Variants in NXPH2 observed in about 807,000 individuals in gnomAD.
The protein encoded by NXPH2 is neurexophilin-2.
Under a neutral mutation model 19.8 loss-of-function variants are expected in NXPH2, and 5 were observed. That is an observed-to-expected ratio of 0.25 (90% CI 0.13 to 0.53). The LOEUF is 0.53. NXPH2 is among the 20% of genes least tolerant of loss of function. The pLI is 0.96. For missense variants in NXPH2, 289 were observed against 322.8 expected (o/e 0.90, Z 0.80); for synonymous variants, 154 against 127.4 (o/e 1.21, Z -1.41).
intron 1 of NXPH2, among the ~76,000 whole-genome samples, chr2:138,742,146 C>A (rs1681653807): frequency 6.6e-6 from 1 of 152,108 alleles, no homozygotes; most frequent in African/African-American, 2.4e-5. Flanking sequence ...GGCTCAGATA[C>A]AGATTGTTTT....
At chr2:138,769,416 TC>T (rs1193548744) in intron 1 of NXPH2, among the ~76,000 whole-genome samples, 1 of 151,718 alleles carries the variant, frequency 6.6e-6, no homozygotes, top group Non-Finnish European at 1.5e-5. Flanking sequence ...CCTCCAAAAA[TC>T]CCAGTGAAAA....
chr2:138,730,794 A>C (rs1009071704), intron 1 of NXPH2, among the ~76,000 whole-genome samples: 1 of 152,180 alleles, frequency 6.6e-6, no homozygotes, highest in African/African-American at 2.4e-5. Context: ...TTTCTCTTGC[A>C]TTCTGTCCCA....
intron 1 of NXPH2, among the ~76,000 whole-genome samples, chr2:138,737,859 G>A (rs17657544): frequency 0.021 from 3,188 of 152,082 alleles, 50 homozygotes; most frequent in Non-Finnish European, 0.033. Flanking sequence ...TAAATACCTC[G>A]GTGATCAACA....
At chr2:138,685,314 C>A (rs1680631047) in intron 1 of NXPH2, among the ~76,000 whole-genome samples, 1 of 152,152 alleles carries the variant, frequency 6.6e-6, no homozygotes, top group African/African-American at 2.4e-5. Context: ...CTTGAGATAT[C>A]TACCTCTCTA....
chr2:138,761,524 A>T (rs1682017739), intron 1 of NXPH2, among the ~76,000 whole-genome samples: 1 of 152,226 alleles, frequency 6.6e-6, no homozygotes, highest in South Asian at 2.1e-4. Context: ...GGTTTCAAGA[A>T]AGAAGCTGAA....
At chr2:138,775,054 T>G (rs1682240090) in intron 1 of NXPH2, among the ~76,000 whole-genome samples, 1 of 152,204 alleles carries the variant, frequency 6.6e-6, no homozygotes, top group Non-Finnish European at 1.5e-5. Flanking sequence ...AAAAATTAAC[T>G]AGAATGGCAA....
intron 1 of NXPH2, among the ~76,000 whole-genome samples, chr2:138,767,039 T>C (rs1218639458): frequency 1.3e-5 from 2 of 152,212 alleles, no homozygotes; most frequent in Non-Finnish European, 2.9e-5. Flanking sequence ...CTGGCATGCT[T>C]GCCCACTTTT....
At chr2:138,679,654 C>A (rs1286284114) in intron 1 of NXPH2, among the ~76,000 whole-genome samples, 4 of 152,260 alleles carry the variant, frequency 2.6e-5, no homozygotes, top group East Asian at 3.9e-4. Context: ...CCCGCCTCTG[C>A]CTCCCAAAGT....
intron 1 of NXPH2, among the ~76,000 whole-genome samples, chr2:138,705,404 G>T (rs1457830356): frequency 6.6e-6 from 1 of 151,986 alleles, no homozygotes; most frequent in Non-Finnish European, 1.5e-5. Context: ...TTTTAAAAAA[G>T]AAAGCTTTTT....
chr2:138,703,969 G>T (rs541477828), intron 1 of NXPH2, among the ~76,000 whole-genome samples: 154 of 152,290 alleles, frequency 1.0e-3, no homozygotes, highest in Admixed American at 2.0e-3. Context: ...CACCAGCCTG[G>T]ACATGACTTT....
chr2:138,773,531 A>C (rs918601926), intron 1 of NXPH2, among the ~76,000 whole-genome samples: 1 of 152,178 alleles, frequency 6.6e-6, no homozygotes, highest in African/African-American at 2.4e-5. Context: ...TGAGGAATGG[A>C]ATTTGGGAAT....
chr2:138,768,432 A>G (rs1558933091), intron 1 of NXPH2, among the ~76,000 whole-genome samples: 2 of 152,308 alleles, frequency 1.3e-5, no homozygotes, highest in Non-Finnish European at 1.5e-5. Context: ...GATATGCAGA[A>G]CTCTTCATCA....
At chr2:138,750,076 T>C (rs1681804075) in intron 1 of NXPH2, among the ~76,000 whole-genome samples, 1 of 152,272 alleles carries the variant, frequency 6.6e-6, no homozygotes, top group East Asian at 1.9e-4. Flanking sequence ...TAACAGAAAA[T>C]ACACAAGGGA....
rs1178150929 is a variant in NXPH2 at position 138,671,185 on chromosome 2, C to T, written c.532G>A (p.Glu178Lys). 6.2e-7 allele frequency: 1 copy of T among 1,613,846 alleles called. No homozygotes were observed. The highest frequency in any genetic ancestry group is 2.2e-5 in the East Asian group (1 of 44,872). The change falls in exon 2 of 2, where the codon GAG becomes AAG. Residue 178 changes from glutamate to lysine, a missense_variant. Glu to Lys is a moderately conservative substitution (Grantham distance 56, BLOSUM62 1). Coordinates refer to ENST00000272641, the MANE Select transcript of NXPH2 (RefSeq NM_007226.3). ...EFEVSPQSTL[E>K]TKESKSFNCR... is the part of the protein sequence containing the mutation. ...TTGAAAGATTTGGATTCCTTGGTCT[C>T]CAAGGTAGACTGGGGGGAAACTTCA...
At chr2:138,730,690 G>A (rs1681434554) in intron 1 of NXPH2, among the ~76,000 whole-genome samples, 1 of 152,156 alleles carries the variant, frequency 6.6e-6, no homozygotes, top group African/African-American at 2.4e-5. Flanking sequence ...AATAACTCTA[G>A]ATGATTTCAG....
intron 1 of NXPH2, among the ~76,000 whole-genome samples, chr2:138,727,748 G>A (rs1681381367): frequency 6.6e-6 from 1 of 151,916 alleles, no homozygotes; most frequent in Admixed American, 6.6e-5. Context: ...TGTTTTACAA[G>A]CATTTTTAAT....
At chr2:138,715,874 C>G (rs888592529) in intron 1 of NXPH2, among the ~76,000 whole-genome samples, 1 of 152,094 alleles carries the variant, frequency 6.6e-6, no homozygotes, top group Admixed American at 6.5e-5. Context: ...AATTTTATAC[C>G]AAGGGCAGGA....
chr2:138,692,380 A>G (rs1029089888), intron 1 of NXPH2, among the ~76,000 whole-genome samples: 2 of 152,200 alleles, frequency 1.3e-5, no homozygotes, highest in Admixed American at 6.5e-5. Context: ...GTCAATTTTT[A>G]TATTTCAACA....
chr2:138,709,225 C>T (rs1360590493), intron 1 of NXPH2, among the ~76,000 whole-genome samples: 1 of 152,146 alleles, frequency 6.6e-6, no homozygotes, highest in Non-Finnish European at 1.5e-5. Flanking sequence ...GAAACAGGGG[C>T]AGCTGCCCAG....
Sources: allele counts gnomAD v4.1 joint callset (sites outside exome capture counted in the v4.1 genomes callset), GRCh38; gene constraint gnomAD v4.1.1; transcripts MANE v1.5; gene names NCBI Gene and HGNC (gene_info 2026-07-23, HGNC 2026-07-21).